Variants in KNTC1 observed in about 807,000 individuals in gnomAD.
KNTC1 encodes kinetochore-associated protein 1.
A neutral mutation model predicts 314.4 loss-of-function variants in KNTC1; 253 were observed. That is an observed-to-expected ratio of 0.80 (90% CI 0.73 to 0.89). The LOEUF is 0.89. Ranked by LOEUF, KNTC1 falls within the 40% of genes least tolerant of loss-of-function variation. KNTC1 has a pLI of 0.00. For missense variants in KNTC1, 2,475 were observed against 2,572.9 expected, an observed-to-expected ratio of 0.96 and a Z score of 0.82; for synonymous variants, 901 against 901.4, an observed-to-expected ratio of 1.00 and a Z score of 0.01.
chr12:122,601,623 C>T lies in KNTC1; in HGVS notation c.4651C>T (p.Gln1551Ter). The change falls in exon 45 of 64, where the codon CAG (glutamine) becomes TAG (stop). Residue 1551 changes from glutamine (Q) to a stop codon, truncating the protein, a stop_gained and splice_region_variant. Coordinates refer to ENST00000333479, the MANE Select transcript of KNTC1 (RefSeq NM_014708.6). LOFTEE classifies it high-confidence loss of function. ...DEKITNININ[Q>*]ALSILKHLKS... ...AAAGATAACCAATATTAATATTAAT[C>T]AGGTATAACAAATATATCAAAGATG... is the stretch of plus-strand genomic sequence containing the variant. 1 of 1,495,698 alleles carries T rather than the reference C, an allele frequency of 6.7e-7. No homozygotes were observed. The highest frequency in any genetic ancestry group is 8.9e-7 in the Non-Finnish European group (1 of 1,124,448). 92.7% of individuals were successfully genotyped at this position (1,495,698 alleles called of 1,614,324 possible). A position where few individuals can be genotyped will look rare whatever the true frequency, so the allele number is the denominator to read the frequency against.
At chr12:122,539,501 T>C (rs997577525) in intron 4 of KNTC1, among the ~76,000 whole-genome samples, 175 bp from the exon 5 acceptor site, 1 of 152,196 alleles carries the variant, frequency 6.6e-6, no homozygotes, top group African/African-American at 2.4e-5. Flanking sequence ...GGGAGCAGTC[T>C]TGAAGGTATT....
At chr12:122,532,597 A>G (rs868702459) in intron 2 of KNTC1, among the ~76,000 whole-genome samples, 2 of 152,172 alleles carry the variant, frequency 1.3e-5, no homozygotes, top group Non-Finnish European at 1.5e-5. Context: ...ATAATAGTGC[A>G]TGTGTATAGA....
chr12:122,542,272 C>T (rs1358032096), intron 6 of KNTC1, 145 bp downstream of exon 6: 1 of 571,020 alleles, frequency 1.8e-6, no homozygotes, highest in East Asian at 3.5e-5. Flanking sequence ...GTTAAGTATT[C>T]AGAATACAGT....
At chr12:122,606,233 T>C (rs1160221578) in intron 51 of KNTC1, among the ~76,000 whole-genome samples, 4 of 148,838 alleles carry the variant, frequency 2.7e-5, no homozygotes, top group African/African-American at 9.9e-5. Context: ...TTTTTTTTTT[T>C]TTTTTTTTTT....
intron 2 of KNTC1, among the ~76,000 whole-genome samples, chr12:122,532,901 T>G (rs1961482507): frequency 6.6e-6 from 1 of 152,182 alleles, no homozygotes; most frequent in African/African-American, 2.4e-5. Context: ...TTGGGCAGTT[T>G]AAGGAGCATT....
At chr12:122,594,508 C>T in intron 43 of KNTC1, 123 bp downstream of exon 43, 1 of 622,196 alleles carries the variant, frequency 1.6e-6, no homozygotes, top group Admixed American at 3.0e-5. Flanking sequence ...TTTGCTCATT[C>T]CCAAACTGAG....
chr12:122,594,847 A>T (rs553178400), intron 43 of KNTC1, among the ~76,000 whole-genome samples: 3 of 152,368 alleles, frequency 2.0e-5, no homozygotes, highest in South Asian at 4.1e-4. Flanking sequence ...CTAATTTCCT[A>T]TTAAAAATGT....
intron 2 of KNTC1, 143 bp downstream of exon 2, chr12:122,530,335 C>T: frequency 1.4e-6 from 1 of 692,712 alleles, no homozygotes; most frequent in Non-Finnish European, 2.4e-6. Context: ...GCTAGAAATT[C>T]ACGTCTGAAT....
chr12:122,573,741 G>GATAGGTGAT (rs1964847082), intron 26 of KNTC1, among the ~76,000 whole-genome samples: 2 of 152,220 alleles, frequency 1.3e-5, no homozygotes, highest in Non-Finnish European at 2.9e-5. Context: ...CCAGGTCACA[G>GATAGGTGAT]ATAGGTGATA....
At position 122,624,662 on chromosome 12, in the gene KNTC1, G is replaced by A; in HGVS notation, c.6580G>A (p.Asp2194Asn). Residue 2194 changes from aspartate to asparagine, a missense_variant, in exon 63 of 64, where the codon GAC (aspartate) becomes AAC (asparagine). Coordinates refer to ENST00000333479, the MANE Select transcript of KNTC1 (RefSeq NM_014708.6). ...GCACTGCGGGAAACCTGTGCCTCCA[G>A]ACACTGCTCCCTGTGAAATTCTGAA... Reference protein sequence around the residue: ...SKHCGKPVPPDTAPCEILKMF... With the variant: ...SKHCGKPVPPNTAPCEILKMF... 1 of 1,613,436 alleles carries A rather than the reference G, an allele frequency of 6.2e-7. No individual in the cohort carries two copies. Among genetic ancestry groups the A allele is most frequent in the Non-Finnish European group, 8.5e-7 (1 of 1,179,412 alleles).
chr12:122,548,367 A>G (rs1962943383), intron 12 of KNTC1, among the ~76,000 whole-genome samples: 1 of 151,642 alleles, frequency 6.6e-6, no homozygotes, highest in Non-Finnish European at 1.5e-5. Flanking sequence ...CTGCCGCCAC[A>G]CCCAGCTAAT....
chr12:122,581,317 G>A (rs967861546), intron 33 of KNTC1, among the ~76,000 whole-genome samples: 2 of 150,598 alleles, frequency 1.3e-5, no homozygotes, highest in Admixed American at 6.6e-5. Flanking sequence ...TCTTGCCTCA[G>A]CCTTCCCAAG....
chr12:122,579,127 G>T (rs1042402112), intron 31 of KNTC1, among the ~76,000 whole-genome samples: 1 of 123,538 alleles, frequency 8.1e-6, no homozygotes, highest in African/African-American at 3.1e-5. Flanking sequence ...TGCAGTGGCG[G>T]GATCTCGGCT....
In KNTC1 at chr12:122,573,087, T is replaced by A. The variant is rs770926255; in HGVS notation, c.2139+31T>A. The A allele has an allele frequency of 2.5e-6, 4 of 1,613,294 alleles. No homozygotes were observed. The South Asian group carries it at 4.4e-5, about 18-fold the overall frequency. ...GTCCAGGGTCATAAGAATTATTTTG[T>A]ATATCAAGTTATGGGTAGAGTCTGT... On this transcript the variant is annotated intron_variant, in intron 25 of 63. Transcript: ENST00000333479.
At chr12:122,561,458 G>T (rs534516690) in intron 18 of KNTC1, among the ~76,000 whole-genome samples, 130 of 151,558 alleles carry the variant, frequency 8.6e-4, no homozygotes, top group Non-Finnish European at 1.6e-3. Flanking sequence ...TTATTTATTT[G>T]TAATTTTTTT....
rs1440427427 is a variant in KNTC1 at position 122,539,750 on chromosome 12, T to C, written c.441T>C (p.Asn147=). ...QNLVIEKDGS[N]EGTYYMLLLT... ...TTGTCATTGAGAAGGATGGTTCAAA[T>C]GAAGGTAAGTTTTCCTGAATTTTTT... The change falls in exon 5 of 64, where the codon AAT becomes AAC. Residue 147 remains asparagine, a synonymous_variant. Transcript: ENST00000333479. The C allele has an allele frequency of 5.9e-6, 9 of 1,533,954 alleles. No individual in the cohort carries two copies. The highest frequency in any genetic ancestry group is 7.9e-6 in the Non-Finnish European group (9 of 1,142,488).
rs1473725173 is a variant in KNTC1, at chr12:122,626,217, G to A, written c.6619G>A (p.Gly2207Arg). The A allele has an allele frequency of 1.3e-6, 2 of 1,587,984 alleles. No individual in the cohort carries two copies. Among genetic ancestry groups the A allele is most frequent in the African/African-American group, 2.7e-5 (2 of 74,652 alleles). The change falls in exon 64 of 64, where the codon GGA becomes AGA. Residue 2207 changes from glycine (G) to arginine (R), a missense_variant. Transcript: ENST00000333479. ...PCEILKMFLSGLS is the reference protein window; with the variant it reads ...PCEILKMFLSRLS ...TCTTCCCATTTAGATGTTTCTTAGT[G>A]GATTATCGTAAATCACTGAACCTTT...
In KNTC1 at chr12:122,613,617, G is replaced by A. The variant is rs1386578763; in HGVS notation, c.5742-9G>A. ...GAGAATGATTCTTAGAAACGTTTCT[G>A]TTTTCCAGATCTTATTTGAGATGTA... On this transcript the variant is annotated splice_polypyrimidine_tract_variant and intron_variant, in intron 54 of 63. Transcript: ENST00000333479. 1 of 1,588,744 alleles carries A rather than the reference G, an allele frequency of 6.3e-7. No homozygotes were observed.
intron 60 of KNTC1, 28 bp downstream of exon 60, chr12:122,620,636 G>A: frequency 6.2e-7 from 1 of 1,605,216 alleles, no homozygotes; most frequent in Non-Finnish European, 8.5e-7. Flanking sequence ...CCTCTGGGCT[G>A]CCAAGGAAAT....
Sources: allele counts gnomAD v4.1 joint callset (sites outside exome capture counted in the v4.1 genomes callset), GRCh38; gene constraint gnomAD v4.1.1; transcripts MANE v1.5; gene names NCBI Gene and HGNC (gene_info 2026-07-23, HGNC 2026-07-21).